The following FMN1 variants were observed in gnomAD, a reference collection of about 807,000 sequenced individuals.
The protein encoded by FMN1 is formin-1.
In FMN1, 110 loss-of-function variants were observed where a neutral mutation model predicts 132.4. The ratio of observed to expected loss-of-function variants is 0.83; its 90% CI spans 0.71 to 0.97. FMN1 has a LOEUF of 0.97. Ranked by LOEUF, FMN1 falls within the 50% of genes least tolerant of loss-of-function variation. The pLI is 0.00. For synonymous variants in FMN1, 722 were observed against 651.7 expected, an observed-to-expected ratio of 1.11 and a Z score of -1.64; for missense variants, 1,792 against 1,705.3, an observed-to-expected ratio of 1.05 and a Z score of -0.90.
At chr15:33,157,807 A>T (rs1405327013) in intron 3 of FMN1, among the ~76,000 whole-genome samples, 2 of 152,102 alleles carry the variant, frequency 1.3e-5, no homozygotes, top group Admixed American at 1.3e-4. Flanking sequence ...TCTGGGGAAC[A>T]TAGTGAAAGC....
At chr15:32,942,970 G>A (rs1262345219) in intron 9 of FMN1, among the ~76,000 whole-genome samples, 2 of 152,168 alleles carry the variant, frequency 1.3e-5, no homozygotes, top group Admixed American at 1.3e-4. Context: ...TCATGACAAT[G>A]ATATACAGGT....
chr15:33,066,981 C>T, intron 5 of FMN1: 1 of 1,613,974 alleles, frequency 6.2e-7, no homozygotes, highest in Non-Finnish European at 8.5e-7. Flanking sequence ...AAGTCCCCAT[C>T]CTTTGGTTTA....
intron 6 of FMN1, among the ~76,000 whole-genome samples, chr15:33,017,593 C>G (rs2035132285): frequency 6.6e-6 from 1 of 152,212 alleles, no homozygotes; most frequent in East Asian, 1.9e-4. Context: ...TGGACAATAA[C>G]TGGGAGAAAT....
chr15:33,086,511 C>T (rs1283574253), intron 5 of FMN1, among the ~76,000 whole-genome samples: 2 of 151,478 alleles, frequency 1.3e-5, no homozygotes, highest in South Asian at 2.1e-4. Flanking sequence ...ATTTAATTTA[C>T]AGAGGAAAAG....
chr15:32,821,957 C>T (rs577403507), intron 17 of FMN1, among the ~76,000 whole-genome samples: 5 of 152,162 alleles, frequency 3.3e-5, no homozygotes, highest in African/African-American at 1.2e-4. Context: ...AAATGCTTTA[C>T]ATTTTATTAG....
intron 2 of FMN1, among the ~76,000 whole-genome samples, chr15:33,184,125 A>G (rs897254370): frequency 9.2e-5 from 14 of 152,190 alleles, no homozygotes; most frequent in Non-Finnish European, 5.9e-5. Context: ...CAGCATCTCT[A>G]TTCATTTTTA....
chr15:32,863,401 T>G (rs1416170918), intron 16 of FMN1, among the ~76,000 whole-genome samples: 1 of 152,094 alleles, frequency 6.6e-6, no homozygotes. Context: ...GCCACTGCAC[T>G]CCAGCCTGGG....
intron 5 of FMN1, among the ~76,000 whole-genome samples, chr15:33,072,408 C>G (rs2038034287): frequency 6.6e-6 from 1 of 152,122 alleles, no homozygotes; most frequent in Non-Finnish European, 1.5e-5. Context: ...GATGGAGGGA[C>G]AACTCTAAGT....
chr15:33,142,473 A>G (rs1964047985), intron 4 of FMN1, among the ~76,000 whole-genome samples: 1 of 152,214 alleles, frequency 6.6e-6, no homozygotes. Context: ...AAGCTTTTAA[A>G]AAGAAAATCC....
At chr15:32,997,321 CTTT>C (rs113292190) in intron 7 of FMN1, among the ~76,000 whole-genome samples, 1 of 142,976 alleles carries the variant, frequency 7.0e-6, no homozygotes. Flanking sequence ...ATATCACCGT[CTTT>C]TTTTTTTTTT....
Position 32,776,841 on chromosome 15 carries a change from A to G in FMN1, c.4209T>C (p.Ala1403=). ...GTTGAAAAATATATCTCACCAGGCT[A>G]GCAGTGGGATTGATTTTCTTTGTCT... is the stretch of plus-strand genomic sequence containing the variant. ...KVETKKINPT[A]SLKERLRQKE... Residue 1403 remains alanine, a synonymous_variant, in exon 20 of 21, where the codon GCT becomes GCC. Coordinates refer to ENST00000616417, the MANE Select transcript of FMN1 (RefSeq NM_001277313.2). 1 of 1,572,164 alleles carries G rather than the reference A, an allele frequency of 6.4e-7. No individual in the cohort carries two copies. Among genetic ancestry groups the G allele is most frequent in the Non-Finnish European group, 8.7e-7 (1 of 1,149,536 alleles).
intron 5 of FMN1, chr15:33,067,332 C>T (rs760355132): frequency 6.2e-7 from 1 of 1,613,964 alleles, no homozygotes; most frequent in Non-Finnish European, 8.5e-7. Context: ...CTGAAACCTC[C>T]TGGGTTTTCT....
chr15:33,146,307 A>T (rs1964218886), intron 4 of FMN1, among the ~76,000 whole-genome samples: 1 of 152,110 alleles, frequency 6.6e-6, no homozygotes. Flanking sequence ...TTCTTCCTCA[A>T]GTGTAGGGGC....
intron 19 of FMN1, among the ~76,000 whole-genome samples, chr15:32,777,538 A>ATTTATATATTACGTATAACAC (rs2056470889): frequency 1.2e-5 from 1 of 81,446 alleles, no homozygotes; most frequent in Non-Finnish European, 2.6e-5. Context: ...ATAACATAAC[A>ATTTATATATTACGTATAACAC]TTTATATATT....
chr15:32,967,707 A>G (rs758572122), intron 8 of FMN1, among the ~76,000 whole-genome samples: 4 of 152,220 alleles, frequency 2.6e-5, no homozygotes, highest in Non-Finnish European at 4.4e-5. Flanking sequence ...AATATGAAGC[A>G]CATATGCTTA....
At chr15:33,058,582 G>A (rs1269469882) in intron 6 of FMN1, among the ~76,000 whole-genome samples, 2 of 152,092 alleles carry the variant, frequency 1.3e-5, no homozygotes, top group Non-Finnish European at 2.9e-5. Flanking sequence ...ATGCTTCATA[G>A]CGTAAAAAAT....
At chr15:32,942,209 T>C (rs2061416522) in intron 9 of FMN1, among the ~76,000 whole-genome samples, 1 of 152,218 alleles carries the variant, frequency 6.6e-6, no homozygotes, top group Admixed American at 6.5e-5. Context: ...AACCTGTACA[T>C]TAAGCCAGTA....
intron 7 of FMN1, among the ~76,000 whole-genome samples, chr15:32,969,800 A>C (rs1197123213): frequency 5.3e-5 from 8 of 152,164 alleles, no homozygotes; most frequent in African/African-American, 1.9e-4. Context: ...CTTTTAATAA[A>C]GTTTTGGACA....
chr15:32,925,177 A>G (rs986985294), intron 10 of FMN1, among the ~76,000 whole-genome samples: 2 of 152,258 alleles, frequency 1.3e-5, no homozygotes, highest in African/African-American at 4.8e-5. Context: ...ACAATGACGT[A>G]ACCAAATGAA....
Sources: gnomAD v4.1 joint callset for allele counts (sites outside exome capture counted in the v4.1 genomes callset) on GRCh38, gnomAD v4.1.1 for gene constraint, MANE v1.5 for transcripts, NCBI Gene and HGNC (gene_info 2026-07-23, HGNC 2026-07-21) for gene names.